Variants in TERF1 observed in about 807,000 individuals in gnomAD.
The protein encoded by TERF1 is telomeric repeat binding factor 1, also known as telomeric repeat-binding factor 1.
A neutral mutation model predicts 55.1 loss-of-function variants in TERF1; 20 were observed. The observed-to-expected ratio is 0.36, with a 90% CI of 0.26 to 0.53. The LOEUF (loss-of-function observed/expected upper bound fraction) is 0.53. TERF1 is among the 20% of genes least tolerant of loss of function. The pLI, the probability that TERF1 is intolerant of heterozygous loss-of-function variation, is 0.91. For missense variants in TERF1, 439 were observed against 535.7 expected (o/e 0.82, Z 1.78); for synonymous variants, 168 against 181.2 (o/e 0.93, Z 0.59).
intron 8 of TERF1, among the ~76,000 whole-genome samples, chr8:73,032,571 A>G (rs1289279663): frequency 7.1e-6 from 1 of 140,732 alleles, no homozygotes; most frequent in Non-Finnish European, 1.6e-5. Flanking sequence ...TGGGTTTTCT[A>G]TATGAATATA....
At chr8:73,013,816 C>G in intron 1 of TERF1, 79 bp from the exon 2 acceptor site, 1 of 767,450 alleles carries the variant, frequency 1.3e-6, no homozygotes, top group East Asian at 2.6e-5. Context: ...ATGTTTGTAG[C>G]CTATTACTCA....
intron 9 of TERF1, among the ~76,000 whole-genome samples, chr8:73,040,428 T>G (rs1809784111): frequency 6.6e-6 from 1 of 152,224 alleles, no homozygotes; most frequent in African/African-American, 2.4e-5. Context: ...TCTTAACTTT[T>G]TTCAGAGTTT....
chr8:73,011,783 A>T (rs1191911025), intron 1 of TERF1: 1 of 151,190 alleles, frequency 6.6e-6, no homozygotes, highest in African/African-American at 2.4e-5. Flanking sequence ...CTTGCTCTGG[A>T]TTAGGCTGTG....
intron 1 of TERF1, chr8:73,009,573 C>A (rs749961478): frequency 2.4e-5 from 5 of 205,318 alleles, no homozygotes; most frequent in Admixed American, 5.5e-5. Flanking sequence ...TCCAGTAACC[C>A]CCGAGGCATC....
chr8:73,026,989 A>G lies in TERF1; in HGVS notation c.824A>G (p.Gln275Arg), dbSNP rs771202033. ...ESKRTRTITS[Q>R]DKPSGNDVEM... Reference sequence around the variant, plus strand: ...AAAAGGACAAGAACAATAACTTCTCAAGATAAACCTAGTGGTAATGATGTT... The same window carrying G: ...AAAAGGACAAGAACAATAACTTCTCGAGATAAACCTAGTGGTAATGATGTT... The change falls in exon 6 of 10, where the codon CAA (glutamine) becomes CGA (arginine). Residue 275 changes from glutamine (Q) to arginine (R), a missense_variant. Physicochemically the swap from Gln to Arg is conservative, Grantham distance 43 (BLOSUM62 1). This residue lies in a region of TERF1 where 140 missense variants were observed against 158.6 expected (regional missense o/e 0.88). Coordinates refer to ENST00000276603, the MANE Select transcript of TERF1 (RefSeq NM_017489.3). 2.4e-5 allele frequency: 39 copies of G among 1,612,340 alleles called. 1 individual carries two copies. Among genetic ancestry groups the G allele is most frequent in the Middle Eastern group, 1.9e-4 (1 of 5,156 alleles).
intron 4 of TERF1, among the ~76,000 whole-genome samples, chr8:73,024,546 A>G (rs1002003939): frequency 6.6e-6 from 1 of 152,180 alleles, no homozygotes; most frequent in African/African-American, 2.4e-5. Flanking sequence ...CATATTGATT[A>G]TGTTTTATTT....
rs768297698 is a variant in TERF1, at chr8:73,020,673, G to A, written c.416-11G>A. ...TTTCTGAGTTACTTATTTTTGTTCT[G>A]TTTTTAAAAGATGCACAGTTTGAAA... On this transcript the variant is annotated splice_polypyrimidine_tract_variant and intron_variant, in intron 2 of 9. Coordinates refer to ENST00000276603, the MANE Select transcript of TERF1 (RefSeq NM_017489.3). 2.5e-6 allele frequency: 4 copies of A among 1,581,580 alleles called. No homozygotes were observed. In the African/African-American group the frequency reaches 5.5e-5, roughly 22 times the overall value.
At chr8:73,029,691 T>G (rs1168441590) in intron 6 of TERF1, among the ~76,000 whole-genome samples, 1 of 152,162 alleles carries the variant, frequency 6.6e-6, no homozygotes, top group Non-Finnish European at 1.5e-5. Context: ...ACTTAAAATA[T>G]CTAACACAGT....
chr8:73,014,732 GTGTTGT>G (rs1225141738), intron 2 of TERF1, among the ~76,000 whole-genome samples: 9 of 152,342 alleles, frequency 5.9e-5, no homozygotes, highest in Admixed American at 2.6e-4. Context: ...GCTTATTGAA[GTGTTGT>G]CTTACATAAA....
chr8:73,030,327 CT>C lies in TERF1; in HGVS notation c.888-5del. On this transcript the variant is annotated splice_region_variant and splice_polypyrimidine_tract_variant and intron_variant, in intron 6 of 9. Transcript: ENST00000276603. The stretch of plus-strand genomic sequence containing the variant: ...TTTACATTCTTACAAATTTTTTCTT[CT>C]TTTAAAGTGTTAGTGACAAACAGTC... 6.5e-7 allele frequency: 1 copy of C among 1,537,646 alleles called. No individual in the cohort carries two copies. The highest frequency in any genetic ancestry group is 1.3e-5 in the South Asian group (1 of 76,744).
intron 6 of TERF1, among the ~76,000 whole-genome samples, chr8:73,028,934 C>T (rs185705598): frequency 6.6e-6 from 1 of 152,234 alleles, no homozygotes; most frequent in African/African-American, 2.4e-5. Context: ...GCTTGGTATC[C>T]TTGTTGCCTC....
chr8:73,046,144 T>G lies in TERF1; in HGVS notation c.*7T>G, dbSNP rs1156737513. ...CTCAGACAGCGAAGACTGATTGTGT[T>G]TGTAAAAGCTTGATGAAAGGACAGT... On this transcript the variant is annotated 3_prime_UTR_variant, in exon 10 of 10. Transcript: ENST00000276603. 15 of 1,554,626 alleles carry G rather than the reference T, an allele frequency of 9.6e-6. No individual in the cohort carries two copies. The highest frequency in any genetic ancestry group is 1.1e-5 in the Non-Finnish European group (13 of 1,155,122).
At chr8:73,024,488 G>T (rs1808896694) in intron 4 of TERF1, among the ~76,000 whole-genome samples, 1 of 152,172 alleles carries the variant, frequency 6.6e-6, no homozygotes. Flanking sequence ...ACAGTTAGGA[G>T]AGGAAAGGGA....
intron 2 of TERF1, among the ~76,000 whole-genome samples, chr8:73,018,741 G>A (rs1396576055): frequency 6.6e-6 from 1 of 152,110 alleles, no homozygotes; most frequent in Non-Finnish European, 1.5e-5. Context: ...TTGCATACTT[G>A]CTATGGAACT....
At position 73,009,172 on chromosome 8, in the gene TERF1, G is replaced by T; in HGVS notation, c.286G>T (p.Glu96Ter). Residue 96 changes from glutamate to a stop codon, truncating the protein, a stop_gained, in exon 1 of 10, where the codon GAG becomes TAG. Coordinates refer to ENST00000276603, the MANE Select transcript of TERF1 (RefSeq NM_017489.3). LOFTEE classifies it high-confidence loss of function. Reference protein sequence around the residue: ...LCRAFRDGRSEDFRRTRNSAE... With the variant: ...LCRAFRDGRS ...CCGAGCTTTCCGCGACGGCCGCTCCGAGGACTTCCGCAGGACCCGCAACAG... is the reference window on the plus strand; with the variant it reads ...CCGAGCTTTCCGCGACGGCCGCTCCTAGGACTTCCGCAGGACCCGCAACAG... The T allele has an allele frequency of 6.2e-7, 1 of 1,610,964 alleles. No homozygotes were observed. The highest frequency in any genetic ancestry group is 8.5e-7 in the Non-Finnish European group (1 of 1,179,878).
At chr8:73,025,075 C>A in intron 5 of TERF1, 104 bp downstream of exon 5, 1 of 760,668 alleles carries the variant, frequency 1.3e-6, no homozygotes, top group Non-Finnish European at 1.9e-6. Context: ...CAGAATTTTT[C>A]ATTGTGGTTT....
chr8:73,019,842 C>G (rs1176534055), intron 2 of TERF1, among the ~76,000 whole-genome samples: 1 of 152,208 alleles, frequency 6.6e-6, no homozygotes, highest in Non-Finnish European at 1.5e-5. Flanking sequence ...TCAGAGAGGT[C>G]TTTAACCTGT....
At chr8:73,026,637 ATT>A (rs34434440) in intron 5 of TERF1, among the ~76,000 whole-genome samples, 53,909 of 148,094 alleles carry the variant, frequency 0.36, 10,666 homozygotes, top group Non-Finnish European at 0.46. Context: ...TAGAATTTTT[ATT>A]TTTTTTTTTT....
chr8:73,038,714 A>G (rs1809707667), intron 8 of TERF1: 3 of 939,824 alleles, frequency 3.2e-6, no homozygotes, highest in Non-Finnish European at 2.5e-6. Flanking sequence ...AGTTACATAT[A>G]TTTGTCTTAC....
Sources: allele counts gnomAD v4.1 joint callset (sites outside exome capture counted in the v4.1 genomes callset), GRCh38; gene constraint gnomAD v4.1.1; regional missense constraint gnomAD v4.1.1; transcripts MANE v1.5; gene names NCBI Gene and HGNC (gene_info 2026-07-23, HGNC 2026-07-21).